ADH7: variants seen among roughly 807,000 people sequenced by gnomAD.
The protein encoded by ADH7 is alcohol dehydrogenase 7 (class IV), mu or sigma polypeptide, also known as all-trans-retinol dehydrogenase [NAD(+)] ADH7.
Under a neutral mutation model 34.4 loss-of-function variants are expected in ADH7, and 41 were observed. The observed-to-expected ratio is 1.19, with a 90% CI of 0.93 to 1.55. The LOEUF is 1.55. Ranked by LOEUF, ADH7 falls within the 40% of genes most tolerant of loss-of-function variation. The pLI is 0.00. For synonymous variants in ADH7, 180 were observed against 160.9 expected, an observed-to-expected ratio of 1.12 and a Z score of -0.90; for missense variants, 540 against 461.2, an observed-to-expected ratio of 1.17 and a Z score of -1.56.
intron 7 of ADH7, among the ~76,000 whole-genome samples, chr4:99,417,307 TG>T (rs1244536515): frequency 6.6e-6 from 1 of 152,202 alleles, no homozygotes; most frequent in Non-Finnish European, 1.5e-5. Context: ...CAGCTGTGAC[TG>T]TTCTTCTGTC....
intron 1 of ADH7, among the ~76,000 whole-genome samples, chr4:99,433,632 G>A (rs557671081): frequency 9.9e-5 from 15 of 152,132 alleles, no homozygotes; most frequent in Admixed American, 2.0e-4. Flanking sequence ...TAATCAGGGT[G>A]GAACCTGATC....
chr4:99,419,700 G>GT, intron 6 of ADH7, among the ~76,000 whole-genome samples: 1 of 152,218 alleles, frequency 6.6e-6, no homozygotes, highest in East Asian at 1.9e-4. Flanking sequence ...CTGGAAATCA[G>GT]TAGGCTCTAA....
At chr4:99,418,029 A>G (rs1026636736) in intron 7 of ADH7, among the ~76,000 whole-genome samples, 1 of 152,196 alleles carries the variant, frequency 6.6e-6, no homozygotes, top group African/African-American at 2.4e-5. Context: ...CTTGAGAGCT[A>G]TAGGGGCAAA....
chr4:99,429,189 CAA>C (rs1417254224), intron 2 of ADH7, among the ~76,000 whole-genome samples: 1 of 152,086 alleles, frequency 6.6e-6, no homozygotes, highest in Non-Finnish European at 1.5e-5. Context: ...TCATTCTTTG[CAA>C]AAAGTAACCT....
chr4:99,428,755 T>G (rs1199226622), intron 2 of ADH7, 125 bp from the exon 3 acceptor site: 3 of 1,260,230 alleles, frequency 2.4e-6, no homozygotes, highest in Non-Finnish European at 3.3e-6. Flanking sequence ...ATAACAACAT[T>G]TACTCTTAGA....
chr4:99,430,188 CTG>C (rs1721909102), intron 1 of ADH7: 1 of 152,280 alleles, frequency 6.6e-6, no homozygotes, highest in East Asian at 1.9e-4. Context: ...CAGATTATGA[CTG>C]TGAGTTCCTG....
intron 5 of ADH7, among the ~76,000 whole-genome samples, chr4:99,424,952 C>A (rs1012532859): frequency 3.3e-5 from 5 of 151,986 alleles, no homozygotes; most frequent in Admixed American, 6.6e-5. Flanking sequence ...CTGTCTTGTG[C>A]CACTTTTCAA....
chr4:99,415,458 T>C lies in ADH7; in HGVS notation c.1100+20A>G. ...AGTAGCCTGTGGAGAAGAGACAAGATCATCATAAGAAACAGTTACCTTTGT... is the reference window on the plus strand; with the variant it reads ...AGTAGCCTGTGGAGAAGAGACAAGACCATCATAAGAAACAGTTACCTTTGT... On this transcript the variant is annotated intron_variant, in intron 8 of 8. Transcript: ENST00000437033. 6.2e-7 allele frequency: 1 copy of C among 1,606,306 alleles called. No individual in the cohort carries two copies. Among genetic ancestry groups the C allele is most frequent in the East Asian group, 2.2e-5 (1 of 44,766 alleles).
intron 5 of ADH7, among the ~76,000 whole-genome samples, chr4:99,421,715 A>G (rs1483925650): frequency 6.6e-6 from 1 of 152,236 alleles, no homozygotes; most frequent in Non-Finnish European, 1.5e-5. Flanking sequence ...TGAACAGGCA[A>G]CCTACAGAAT....
At chr4:99,427,072 G>A (rs1721824688) in intron 5 of ADH7, among the ~76,000 whole-genome samples, 1 of 152,062 alleles carries the variant, frequency 6.6e-6, no homozygotes, top group South Asian at 2.1e-4. Flanking sequence ...AAAATAATAA[G>A]AGGTCAAAGA....
chr4:99,419,486 G>GTT (rs140580197), intron 6 of ADH7, among the ~76,000 whole-genome samples: 2 of 149,064 alleles, frequency 1.3e-5, no homozygotes, highest in African/African-American at 4.9e-5. Context: ...ATTTAGCGTA[G>GTT]TTTTTTTTTT....
At chr4:99,432,844 A>T (rs890304151) in intron 1 of ADH7, 3 of 146,640 alleles carry the variant, frequency 2.0e-5, no homozygotes, top group African/African-American at 8.0e-5. Flanking sequence ...GTAATGAATT[A>T]AAAAAAAAAA....
chr4:99,435,040 G>C, intron 1 of ADH7, 176 bp downstream of exon 1: 1 of 1,542,754 alleles, frequency 6.5e-7, no homozygotes, highest in Non-Finnish European at 8.7e-7. Context: ...TGCTTCCACT[G>C]ACATTCTCTG....
Position 99,419,130 on chromosome 4 carries a change from A to T in ADH7, c.826-9T>A. ...GATGCCAGGGCATCAATCTGAGTTT[A>T]AAACGGAGGAGATCGTTTGCTTCCT... On this transcript the variant is annotated splice_polypyrimidine_tract_variant and intron_variant, in intron 6 of 8. Coordinates refer to ENST00000437033, the MANE Select transcript of ADH7 (RefSeq NM_000673.7). The T allele has an allele frequency of 6.2e-7, 1 of 1,612,574 alleles. No homozygotes were observed. The highest frequency in any genetic ancestry group is 8.5e-7 in the Non-Finnish European group (1 of 1,179,222).
chr4:99,428,011 C>T lies in ADH7; in HGVS notation c.348-22G>A, dbSNP rs4147550. 135 of 1,611,880 alleles carry T rather than the reference C, an allele frequency of 8.4e-5. No homozygotes were observed. The East Asian group carries it at 1.5e-3, about 18-fold the overall frequency. ...AATACTGTTTGATACATCAAATACA[C>T]GTATTAATTAATTCAATTCAAAAAT... On this transcript the variant is annotated intron_variant, in intron 4 of 8. Transcript: ENST00000437033.
chr4:99,417,034 T>C (rs1487190830), intron 7 of ADH7, among the ~76,000 whole-genome samples: 1 of 152,154 alleles, frequency 6.6e-6, no homozygotes, highest in African/African-American at 2.4e-5. Context: ...AAGAGCTGAC[T>C]ACTTCTCACC....
At chr4:99,426,846 A>C (rs1377799499) in intron 5 of ADH7, among the ~76,000 whole-genome samples, 1 of 152,236 alleles carries the variant, frequency 6.6e-6, no homozygotes, top group Non-Finnish European at 1.5e-5. Flanking sequence ...ACAGCACATC[A>C]AAAAGCTTAT....
chr4:99,429,565 A>G lies in ADH7; in HGVS notation c.87T>C (p.Val29=), dbSNP rs745403302. The G allele has an allele frequency of 6.2e-7, 1 of 1,612,372 alleles. No individual in the cohort carries two copies. The highest frequency in any genetic ancestry group is 1.3e-5 in the African/African-American group (1 of 74,900). The change falls in exon 2 of 9, where the codon GTT becomes GTC. Residue 29 remains valine (V), a synonymous_variant. Transcript: ENST00000437033. ...KQPFSIEEIE[V]APPKTKEVRI... ...GAACTTCTTTAGTCTTTGGTGGGGC[A>G]ACTTCTATTTCCTCAATGGAGAAGG... is the stretch of plus-strand genomic sequence containing the variant.
At chr4:99,420,175 C>G (rs141731063) in intron 6 of ADH7, among the ~76,000 whole-genome samples, 1 of 152,302 alleles carries the variant, frequency 6.6e-6, no homozygotes, top group African/African-American at 2.4e-5. Flanking sequence ...TCTCCTCAGT[C>G]ACCTTCTGAT....
Sources: gnomAD v4.1 joint callset for allele counts (sites outside exome capture counted in the v4.1 genomes callset) on GRCh38, gnomAD v4.1.1 for gene constraint, MANE v1.5 for transcripts, NCBI Gene and HGNC (gene_info 2026-07-23, HGNC 2026-07-21) for gene names.